Variants in CCSER1 observed in about 807,000 individuals in gnomAD.
CCSER1 encodes the protein coiled-coil serine rich protein 1, also known as serine-rich coiled-coil domain-containing protein 1.
CCSER1 carries 41 observed loss-of-function variants against 82.0 expected under a neutral mutation model. The observed-to-expected ratio is 0.50, with a 90% CI of 0.39 to 0.65. The LOEUF (loss-of-function observed/expected upper bound fraction) is 0.65, where lower values mean the gene tolerates loss of function less well. CCSER1 is among the 30% of genes least tolerant of loss of function. The probability of loss-of-function intolerance (pLI) is 0.00; values close to 1 mark genes in which losing one functional copy is unlikely to be tolerated. For synonymous variants in CCSER1, 414 were observed against 383.9 expected, an observed-to-expected ratio of 1.08 and a Z score of -0.92; for missense variants, 1,119 against 1,064.2, an observed-to-expected ratio of 1.05 and a Z score of -0.72.
intron 9 of CCSER1, among the ~76,000 whole-genome samples, chr4:91,046,261 T>C (rs887812240): frequency 6.6e-6 from 1 of 152,046 alleles, no homozygotes; most frequent in African/African-American, 2.4e-5. Context: ...CATCCTTTAA[T>C]ATTCAGCTAC....
intron 6 of CCSER1, among the ~76,000 whole-genome samples, chr4:90,712,905 T>C (rs970543288): frequency 1.9e-4 from 21 of 109,852 alleles, no homozygotes; most frequent in South Asian, 2.8e-4. Flanking sequence ...CTTCGTCTCT[T>C]TTTTTTTTTT....
intron 10 of CCSER1, among the ~76,000 whole-genome samples, chr4:91,417,193 A>G (rs1753418047): frequency 6.6e-6 from 1 of 152,212 alleles, no homozygotes. Context: ...TGATTATTAA[A>G]AAATCAAGAA....
chr4:91,441,789 C>A (rs1234475992), intron 10 of CCSER1, among the ~76,000 whole-genome samples: 2 of 152,100 alleles, frequency 1.3e-5, no homozygotes, highest in African/African-American at 4.8e-5. Context: ...GATACAAAAT[C>A]AATGTGCAAA....
At chr4:91,454,066 T>C (rs767790805) in intron 10 of CCSER1, among the ~76,000 whole-genome samples, 6 of 152,106 alleles carry the variant, frequency 3.9e-5, no homozygotes, top group Non-Finnish European at 7.4e-5. Flanking sequence ...ATATACATGG[T>C]TTAACGTTCA....
chr4:90,536,762 A>G (rs1775430638), intron 5 of CCSER1, among the ~76,000 whole-genome samples: 1 of 152,054 alleles, frequency 6.6e-6, no homozygotes, highest in African/African-American at 2.4e-5. Flanking sequence ...CTTTTTCACC[A>G]TTGTTTCTTT....
chr4:91,327,991 C>T (rs1183757512), intron 10 of CCSER1, among the ~76,000 whole-genome samples: 1 of 152,140 alleles, frequency 6.6e-6, no homozygotes, highest in Non-Finnish European at 1.5e-5. Context: ...GCCTGGACTT[C>T]ATTATCCATG....
chr4:90,672,399 G>C (rs929606626), intron 6 of CCSER1, among the ~76,000 whole-genome samples: 34 of 151,928 alleles, frequency 2.2e-4, no homozygotes, highest in African/African-American at 8.2e-4. Flanking sequence ...CTAGCTTCCA[G>C]TTTTTCTTCT....
intron 9 of CCSER1, among the ~76,000 whole-genome samples, chr4:91,050,694 A>G (rs1742933832): frequency 6.6e-6 from 1 of 152,212 alleles, no homozygotes; most frequent in Non-Finnish European, 1.5e-5. Context: ...TTTGGAAGGA[A>G]GCCTGAAGAA....
chr4:90,225,623 T>C (rs1030945617), intron 1 of CCSER1, among the ~76,000 whole-genome samples: 2 of 152,208 alleles, frequency 1.3e-5, no homozygotes, highest in East Asian at 1.9e-4. Flanking sequence ...TTTGGTCTTA[T>C]AGCAATAAGA....
chr4:90,371,065 G>T (rs546188123), intron 3 of CCSER1, among the ~76,000 whole-genome samples: 2 of 151,918 alleles, frequency 1.3e-5, no homozygotes, highest in Non-Finnish European at 2.9e-5. Flanking sequence ...AACAAACCCA[G>T]ACCTTGCCTA....
chr4:91,179,609 G>T (rs1234638633), intron 10 of CCSER1, among the ~76,000 whole-genome samples: 2 of 152,178 alleles, frequency 1.3e-5, no homozygotes, highest in African/African-American at 2.4e-5. Flanking sequence ...ACTGAAGCTT[G>T]TGCATGCATC....
At chr4:90,138,298 C>G (rs1724076777) in intron 1 of CCSER1, among the ~76,000 whole-genome samples, 1 of 152,058 alleles carries the variant, frequency 6.6e-6, no homozygotes. Context: ...ATCAAGTGAT[C>G]CTCTCACTTA....
At chr4:91,474,429 G>C (rs575189723) in intron 10 of CCSER1, among the ~76,000 whole-genome samples, 7 of 151,402 alleles carry the variant, frequency 4.6e-5, no homozygotes, top group Admixed American at 4.6e-4. Flanking sequence ...ATCTTATTCT[G>C]ATATGGATAT....
At chr4:90,460,483 G>A (rs183735933) in intron 4 of CCSER1, among the ~76,000 whole-genome samples, 15 of 152,004 alleles carry the variant, frequency 9.9e-5, no homozygotes, top group African/African-American at 3.1e-4. Flanking sequence ...CCAGAATTTG[G>A]GTGATATGAG....
rs1728130761 is a variant in CCSER1, at chr4:90,919,948, T to C, written c.2095-3422T>C. On this transcript the variant is annotated intron_variant, in intron 8 of 10. Coordinates refer to ENST00000509176, the MANE Select transcript of CCSER1 (RefSeq NM_001145065.2). The stretch of plus-strand genomic sequence containing the variant: ...AATAAGCGGTGTATTTTGTCATTGC[T>C]TGGAAAGGAAACTTAAAGACAATTA... 2.0e-5 allele frequency among the ~76,000 whole-genome samples: 3 copies of C among 152,070 alleles called. 1 individual carries two copies. The South Asian group carries it at 6.2e-4, about 31-fold the overall frequency.
intron 9 of CCSER1, among the ~76,000 whole-genome samples, chr4:90,932,980 A>G (rs746235933): frequency 0.036 from 787 of 21,924 alleles, 196 homozygotes; most frequent in African/African-American, 0.11. Context: ...GAAAGAAAGA[A>G]AGAGAAAGAA....
chr4:90,566,582 T>C (rs1447748031), intron 5 of CCSER1, among the ~76,000 whole-genome samples: 1 of 151,578 alleles, frequency 6.6e-6, no homozygotes, highest in Non-Finnish European at 1.5e-5. Context: ...ATTTTGTTGG[T>C]GTAGAATTGT....
intron 10 of CCSER1, among the ~76,000 whole-genome samples, chr4:91,448,487 T>A (rs1032238814): frequency 6.6e-6 from 1 of 152,064 alleles, no homozygotes; most frequent in Non-Finnish European, 1.5e-5. Flanking sequence ...CCTGAAGGTG[T>A]TATTTGAAAT....
At chr4:90,933,308 C>G (rs897941301) in intron 9 of CCSER1, among the ~76,000 whole-genome samples, 4 of 151,494 alleles carry the variant, frequency 2.6e-5, no homozygotes, top group Non-Finnish European at 4.4e-5. Flanking sequence ...CTGCCTCAGC[C>G]TCCTGAGTAG....
Sources: allele counts gnomAD v4.1 joint callset (sites outside exome capture counted in the v4.1 genomes callset), GRCh38; gene constraint gnomAD v4.1.1; transcripts MANE v1.5; gene names NCBI Gene and HGNC (gene_info 2026-07-23, HGNC 2026-07-21).